LRP1B: variants seen among roughly 807,000 people sequenced by gnomAD.
LRP1B encodes low-density lipoprotein receptor-related protein 1B.
A neutral mutation model predicts 556.6 loss-of-function variants in LRP1B; 217 were observed. That is an observed-to-expected ratio of 0.39 (90% CI 0.35 to 0.44). LRP1B has a LOEUF of 0.44. Among genes scored for constraint, LRP1B ranks in the 20% least tolerant of loss-of-function variants. LRP1B has a pLI of 1.00. For synonymous variants in LRP1B, 2,047 were observed against 1,865.8 expected (o/e 1.10, Z -2.50); for missense variants, 5,053 against 5,620.8 (o/e 0.90, Z 3.23).
At chr2:140,649,763 A>T (rs1684610474) in intron 41 of LRP1B, among the ~76,000 whole-genome samples, 2 of 152,378 alleles carry the variant, frequency 1.3e-5, no homozygotes, top group African/African-American at 4.8e-5. Flanking sequence ...ACTCACCAAT[A>T]AAGACAATAG....
intron 31 of LRP1B, among the ~76,000 whole-genome samples, chr2:140,821,211 T>G (rs1352655235): frequency 6.6e-6 from 1 of 152,168 alleles, no homozygotes; most frequent in Non-Finnish European, 1.5e-5. Context: ...GTCTAGTACC[T>G]AGTGTACACT....
chr2:141,624,530 C>T (rs1688632831), intron 2 of LRP1B, among the ~76,000 whole-genome samples: 1 of 151,998 alleles, frequency 6.6e-6, no homozygotes, highest in Non-Finnish European at 1.5e-5. Context: ...ATTAAAAATA[C>T]AGCTGGCAAA....
intron 2 of LRP1B, among the ~76,000 whole-genome samples, chr2:141,631,653 A>G (rs1321845122): frequency 2.0e-5 from 3 of 151,390 alleles, no homozygotes; most frequent in Non-Finnish European, 4.4e-5. Flanking sequence ...CTGTAAGGAA[A>G]GTTACTTTGT....
intron 3 of LRP1B, among the ~76,000 whole-genome samples, chr2:141,476,302 C>T (rs1041547547): frequency 1.3e-5 from 2 of 152,154 alleles, no homozygotes; most frequent in African/African-American, 4.8e-5. Context: ...CTTAGTCCAT[C>T]TTGTTTCTAT....
chr2:142,030,980 T>A lies in LRP1B; in HGVS notation c.82+99668A>T, dbSNP rs535434655. Among the ~76,000 whole-genome samples the A allele has an allele frequency of 7.2e-5, 11 of 152,054 alleles. No homozygotes were observed. In the East Asian group the frequency reaches 1.9e-3, roughly 27 times the overall value. On this transcript the variant is annotated intron_variant, in intron 1 of 90. Coordinates refer to ENST00000389484, the MANE Select transcript of LRP1B (RefSeq NM_018557.3). ...TCGCAATTTTGTTCTTATAGACCTG[T>A]CAAAGACATTTTTTAAGGTTGTAGC...
At chr2:140,753,487 A>C (rs1276794502) in intron 35 of LRP1B, among the ~76,000 whole-genome samples, 3 of 152,208 alleles carry the variant, frequency 2.0e-5, no homozygotes, top group Admixed American at 6.5e-5. Flanking sequence ...AGGAAATGTC[A>C]AGGAGTCCAC....
chr2:141,903,486 T>A (rs1351942354), intron 1 of LRP1B, among the ~76,000 whole-genome samples: 1 of 151,816 alleles, frequency 6.6e-6, no homozygotes, highest in Non-Finnish European at 1.5e-5. Context: ...AAAAACAAAT[T>A]TTTGGAGCCT....
intron 3 of LRP1B, among the ~76,000 whole-genome samples, chr2:141,460,554 C>T (rs1456950542): frequency 6.6e-6 from 1 of 152,050 alleles, no homozygotes; most frequent in East Asian, 1.9e-4. Flanking sequence ...TAAAGTAATG[C>T]TATGTCCTGA....
At chr2:141,708,076 GGGAGTAAA>G (rs1692213238) in intron 2 of LRP1B, among the ~76,000 whole-genome samples, 1 of 152,040 alleles carries the variant, frequency 6.6e-6, no homozygotes, top group South Asian at 2.1e-4. Context: ...GAAAATGATG[GGGAGTAAA>G]GGACAAAAGA....
intron 5 of LRP1B, among the ~76,000 whole-genome samples, chr2:141,231,419 T>C (rs573816394): frequency 6.6e-6 from 1 of 152,188 alleles, no homozygotes; most frequent in Admixed American, 6.5e-5. Context: ...TTAATTTCAA[T>C]AGGGGTGGTG....
At chr2:140,356,825 G>A (rs1682246469) in intron 74 of LRP1B, among the ~76,000 whole-genome samples, 1 of 151,704 alleles carries the variant, frequency 6.6e-6, no homozygotes. Flanking sequence ...CCTTCTCTGA[G>A]AGCCAAAGCA....
At chr2:140,777,594 A>C (rs1018022694) in intron 32 of LRP1B, among the ~76,000 whole-genome samples, 1 of 152,210 alleles carries the variant, frequency 6.6e-6, no homozygotes, top group African/African-American at 2.4e-5. Flanking sequence ...ACAGGAAATC[A>C]AGGATCTCCA....
chr2:141,528,181 C>T (rs543607857), intron 2 of LRP1B, among the ~76,000 whole-genome samples: 5 of 151,572 alleles, frequency 3.3e-5, no homozygotes, highest in African/African-American at 7.3e-5. Flanking sequence ...CAAGTGTGTT[C>T]GTTTGGATAT....
intron 20 of LRP1B, among the ~76,000 whole-genome samples, chr2:140,947,848 A>T (rs1291676478): frequency 1.3e-5 from 2 of 152,198 alleles, no homozygotes; most frequent in Admixed American, 6.5e-5. Context: ...TGCTTGAAAC[A>T]TGTCAAGGAG....
intron 3 of LRP1B, among the ~76,000 whole-genome samples, chr2:141,416,507 G>A (rs1270270418): frequency 7.2e-6 from 1 of 139,580 alleles, no homozygotes; most frequent in Non-Finnish European, 1.5e-5. Flanking sequence ...AGACTGGAGT[G>A]CAGTGATGCA....
At chr2:140,797,535 T>C (rs1690360439) in intron 32 of LRP1B, among the ~76,000 whole-genome samples, 1 of 152,030 alleles carries the variant, frequency 6.6e-6, no homozygotes, top group South Asian at 2.1e-4. Flanking sequence ...GTATAATAAA[T>C]TGGAAATAAA....
intron 18 of LRP1B, among the ~76,000 whole-genome samples, chr2:140,973,461 G>C (rs2105332514): frequency 6.6e-6 from 1 of 152,150 alleles, no homozygotes. Context: ...TACATATTTT[G>C]AAATGTGTGG....
At chr2:141,107,040 T>A (rs182136198) in intron 7 of LRP1B, among the ~76,000 whole-genome samples, 1 of 152,172 alleles carries the variant, frequency 6.6e-6, no homozygotes, top group Non-Finnish European at 1.5e-5. Flanking sequence ...ATATATATAT[T>A]CAGTGATTCT....
chr2:141,641,679 C>G (rs1185567404), intron 2 of LRP1B, among the ~76,000 whole-genome samples: 1 of 152,098 alleles, frequency 6.6e-6, no homozygotes, highest in Non-Finnish European at 1.5e-5. Flanking sequence ...TTGTCATGTA[C>G]ATGCTACAGC....
Sources: gnomAD v4.1 joint callset for allele counts (sites outside exome capture counted in the v4.1 genomes callset) on GRCh38, gnomAD v4.1.1 for gene constraint, MANE v1.5 for transcripts, NCBI Gene and HGNC (gene_info 2026-07-23, HGNC 2026-07-21) for gene names.